Variants in TASP1 observed in about 807,000 individuals in gnomAD.
The protein encoded by TASP1 is threonine aspartase 1.
TASP1 carries 16 observed loss-of-function variants against 56.6 expected under a neutral mutation model. That is an observed-to-expected ratio of 0.28 (90% CI 0.19 to 0.43). TASP1 has a LOEUF of 0.43. Among genes scored for constraint, TASP1 ranks in the 20% least tolerant of loss-of-function variants. The pLI is 1.00. For synonymous variants in TASP1, 179 were observed against 184.2 expected, an observed-to-expected ratio of 0.97 and a Z score of 0.23; for missense variants, 393 against 511.6, an observed-to-expected ratio of 0.77 and a Z score of 2.24.
At chr20:13,467,447 A>T (rs1218832078) in intron 11 of TASP1, among the ~76,000 whole-genome samples, 1 of 152,008 alleles carries the variant, frequency 6.6e-6, no homozygotes, top group African/African-American at 2.4e-5. Context: ...ATTACTCCCA[A>T]ATTATTTTGT....
intron 8 of TASP1, among the ~76,000 whole-genome samples, chr20:13,546,853 G>A (rs1244654275): frequency 6.6e-6 from 1 of 152,124 alleles, no homozygotes; most frequent in Non-Finnish European, 1.5e-5. Context: ...ATAATGTTGA[G>A]TGAGCATAAT....
intron 8 of TASP1, among the ~76,000 whole-genome samples, chr20:13,549,284 A>G (rs375256956): frequency 1.2e-4 from 18 of 152,268 alleles, no homozygotes; most frequent in South Asian, 4.1e-4. Flanking sequence ...CCGACTATGT[A>G]TTTAAAATAT....
the TASP1 span, among the ~76,000 whole-genome samples, chr20:13,307,985 T>C: frequency 6.6e-6 from 1 of 152,224 alleles, no homozygotes; most frequent in East Asian, 1.9e-4. Context: ...TAGTTGATAC[T>C]GCCCAGTAGT....
intron 11 of TASP1, among the ~76,000 whole-genome samples, chr20:13,460,243 G>A (rs1364134010): frequency 6.6e-6 from 1 of 152,132 alleles, no homozygotes. Flanking sequence ...TGCTGATCGT[G>A]CTTTGCTGCT....
At chr20:13,405,590 A>G (rs1002078065) in intron 13 of TASP1, among the ~76,000 whole-genome samples, 4 of 152,138 alleles carry the variant, frequency 2.6e-5, no homozygotes, top group Non-Finnish European at 5.9e-5. Context: ...TCTGTTGCCC[A>G]GGCTGGGGTG....
At chr20:13,494,004 C>T (rs537306548) in intron 10 of TASP1, among the ~76,000 whole-genome samples, 1 of 152,270 alleles carries the variant, frequency 6.6e-6, no homozygotes, top group South Asian at 2.1e-4. Flanking sequence ...GGTGGTGCTG[C>T]TAAGATTGTA....
chr20:13,343,752 A>T, the TASP1 span, among the ~76,000 whole-genome samples: 1 of 152,154 alleles, frequency 6.6e-6, no homozygotes, highest in South Asian at 2.1e-4. Context: ...TGCAATTCCC[A>T]TTCGCCAAGC....
intron 9 of TASP1, among the ~76,000 whole-genome samples, chr20:13,532,818 G>A (rs897918208): frequency 1.3e-5 from 2 of 152,090 alleles, no homozygotes; most frequent in African/African-American, 2.4e-5. Context: ...CTCTACTAGC[G>A]TATCCAAATC....
At chr20:13,221,713 C>A in the TASP1 span, 1 of 1,313,696 alleles carries the variant, frequency 7.6e-7, no homozygotes, top group Non-Finnish European at 9.7e-7. Context: ...CTCCTCCTCC[C>A]CCGGCGTCAC....
In TASP1 at chr20:13,520,976, C is replaced by T. The variant is rs192001184; in HGVS notation, c.874+7457G>A. The stretch of plus-strand genomic sequence containing the variant: ...AAAGTGGGCAAAGAAGATGAACAGA[C>T]ACTTCTCAAAAGAAGACATTTATGC... On this transcript the variant is annotated intron_variant, in intron 10 of 13. Transcript: ENST00000337743. Among the ~76,000 whole-genome samples, 60 of 152,274 alleles carry T rather than the reference C, an allele frequency of 3.9e-4. 1 individual carries two copies. Among genetic ancestry groups the T allele is most frequent in the Admixed American group, 3.7e-3 (57 of 15,292 alleles).
At chr20:13,164,998 G>C in the TASP1 span, 15 of 657,230 alleles carry the variant, frequency 2.3e-5, no homozygotes, top group South Asian at 3.0e-4. Flanking sequence ...TGATTGAACT[G>C]AGGGAGACGT....
chr20:13,620,741 T>C, intron 4 of TASP1, among the ~76,000 whole-genome samples: 1 of 152,230 alleles, frequency 6.6e-6, no homozygotes, highest in East Asian at 1.9e-4. Flanking sequence ...TATAACACAT[T>C]GTTAATACAG....
At chr20:13,512,732 T>C (rs181758283) in intron 10 of TASP1, among the ~76,000 whole-genome samples, 334 of 152,304 alleles carry the variant, frequency 2.2e-3, no homozygotes, top group African/African-American at 7.7e-3. Flanking sequence ...TTTATGGTTT[T>C]AGGTCTAACA....
At chr20:13,579,641 G>A (rs984095761) in intron 6 of TASP1, among the ~76,000 whole-genome samples, 8 of 152,204 alleles carry the variant, frequency 5.3e-5, no homozygotes, top group East Asian at 1.9e-4. Flanking sequence ...GTGAGCCACC[G>A]CGCCCGGCTT....
At chr20:13,129,191 G>A in the TASP1 span, among the ~76,000 whole-genome samples, 2 of 152,102 alleles carry the variant, frequency 1.3e-5, no homozygotes, top group African/African-American at 2.4e-5. Context: ...TAGTCGAGAC[G>A]GGGTTTCACC....
the TASP1 span, among the ~76,000 whole-genome samples, chr20:13,324,489 C>G: frequency 1.3e-5 from 2 of 152,162 alleles, no homozygotes; most frequent in Non-Finnish European, 2.9e-5. Flanking sequence ...AATTTACATC[C>G]TTACTTCTCA....
At chr20:13,409,453 T>G (rs1473333442) in intron 13 of TASP1, among the ~76,000 whole-genome samples, 2 of 152,118 alleles carry the variant, frequency 1.3e-5, no homozygotes, top group Non-Finnish European at 2.9e-5. Flanking sequence ...CCTTTTTAAT[T>G]GAATGGACCA....
At chr20:13,185,015 G>A in the TASP1 span, among the ~76,000 whole-genome samples, 1 of 151,204 alleles carries the variant, frequency 6.6e-6, no homozygotes, top group African/African-American at 2.4e-5. Context: ...CCTCAAATAT[G>A]GAAGATTAAA....
intron 12 of TASP1, among the ~76,000 whole-genome samples, chr20:13,428,473 C>T (rs557702512): frequency 6.6e-6 from 1 of 152,254 alleles, no homozygotes; most frequent in East Asian, 1.9e-4. Flanking sequence ...CTGGAAAGCA[C>T]ATGTAATTGT....
Sources: allele counts gnomAD v4.1 joint callset (sites outside exome capture counted in the v4.1 genomes callset), GRCh38; gene constraint gnomAD v4.1.1; transcripts MANE v1.5; gene names NCBI Gene and HGNC (gene_info 2026-07-23, HGNC 2026-07-21).